Variants in AMOT observed in about 807,000 individuals in gnomAD.
The protein encoded by AMOT is angiomotin.
AMOT carries 11 observed loss-of-function variants against 67.0 expected under a neutral mutation model. That is an observed-to-expected ratio of 0.16 (90% CI 0.10 to 0.27). The LOEUF (loss-of-function observed/expected upper bound fraction) is 0.27, where lower values mean the gene tolerates loss of function less well. Ranked by LOEUF, AMOT falls within the 10% of genes least tolerant of loss-of-function variation. The pLI, the probability that AMOT is intolerant of heterozygous loss-of-function variation, is 1.00. For missense variants in AMOT, 753 were observed against 852.0 expected (o/e 0.88, Z 1.45); for synonymous variants, 326 against 321.4 (o/e 1.01, Z -0.15).
chrX:112,785,930 A>G lies in AMOT; in HGVS notation c.2118-3268T>C, dbSNP rs139509607. 9.5e-3 allele frequency among the ~76,000 whole-genome samples: 1,068 copies of G among 112,411 alleles called. 14 individuals carry two copies. The highest frequency in any genetic ancestry group is 0.033 in the African/African-American group (1,020 of 30,961). Reference sequence around the variant, plus strand: ...ATGAAATACTGTTTGCTGTAAAAGGAAACTGAGGAAAGGCTCTTTTGGAAA... The same window carrying G: ...ATGAAATACTGTTTGCTGTAAAAGGGAACTGAGGAAAGGCTCTTTTGGAAA... On this transcript the variant is annotated intron_variant, in intron 10 of 13. Coordinates refer to ENST00000371959, the MANE Select transcript of AMOT (RefSeq NM_001113490.2).
chrX:112,793,610 G>A (rs1415294810), intron 8 of AMOT, among the ~76,000 whole-genome samples: 2 of 112,187 alleles, frequency 1.8e-5, no homozygotes, highest in Non-Finnish European at 3.8e-5. Flanking sequence ...TTTCCTACCA[G>A]ACCTGTAGTA....
chrX:112,817,708 A>G (rs1219443534), intron 4 of AMOT, among the ~76,000 whole-genome samples: 2 of 112,195 alleles, frequency 1.8e-5, no homozygotes, highest in Non-Finnish European at 3.8e-5. Context: ...GTCATTATAA[A>G]TAATTGCTGA....
intron 7 of AMOT, among the ~76,000 whole-genome samples, chrX:112,809,475 G>A (rs1240604829): frequency 9.0e-6 from 1 of 111,062 alleles, no homozygotes; most frequent in Non-Finnish European, 1.9e-5. Flanking sequence ...ATACTAGGGA[G>A]CCCCAGGTAC....
At chrX:112,796,006 C>T (rs1398313556) in intron 8 of AMOT, among the ~76,000 whole-genome samples, 4 of 106,328 alleles carry the variant, frequency 3.8e-5, no homozygotes, top group African/African-American at 1.1e-4. Flanking sequence ...CTTAGGAATG[C>T]CCTGCCCCAC....
chrX:112,805,538 T>C (rs1934153652), intron 7 of AMOT, among the ~76,000 whole-genome samples: 1 of 111,346 alleles, frequency 9.0e-6, no homozygotes, highest in Non-Finnish European at 1.9e-5. Flanking sequence ...TGACAGTACA[T>C]TAAATAGTGC....
chrX:112,779,375 G>GGGCAGCAGCAGCAGCTGGAGCAGCAGC lies in AMOT; in HGVS notation c.2752_2778dup (p.Ala918_Ala926dup), dbSNP rs1556171864. On this transcript the variant is annotated inframe_insertion, in exon 13 of 14. Transcript: ENST00000371959. ...GTAGCAGCGGCAGTGGCTGGAGACG[G>GGGCAGCAGCAGCAGCTGGAGCAGCAGC]GGCAGCAGCAGCAGCTGGAGCAGCA... 33 of 1,005,925 alleles carry GGGCAGCAGCAGCAGCTGGAGCAGCAGC rather than the reference G, an allele frequency of 3.3e-5. No individual in the cohort carries two copies. The highest frequency in any genetic ancestry group is 3.1e-4 in the Middle Eastern group (1 of 3,220). The allele number at this position is 1,005,925 out of a possible 1,213,427, so 82.9% of individuals were successfully genotyped here. A position where few individuals can be genotyped will look rare whatever the true frequency, so the allele number is the denominator to read the frequency against.
At chrX:112,796,880 C>T (rs985510419) in intron 8 of AMOT, among the ~76,000 whole-genome samples, 12 of 111,498 alleles carry the variant, frequency 1.1e-4, no homozygotes, top group African/African-American at 3.3e-4. Flanking sequence ...TGACTAAAAG[C>T]CAGGGGTGCT....
At chrX:112,804,378 C>T (rs1331207508) in intron 8 of AMOT, among the ~76,000 whole-genome samples, 2 of 111,190 alleles carry the variant, frequency 1.8e-5, no homozygotes, top group South Asian at 3.9e-4. Flanking sequence ...AACCAATCTG[C>T]CAAGTAAGTC....
At chrX:112,793,869 G>A (rs775420778) in intron 8 of AMOT, among the ~76,000 whole-genome samples, 69 of 112,058 alleles carry the variant, frequency 6.2e-4, no homozygotes, top group South Asian at 5.9e-3. Context: ...TAACAACACT[G>A]ACTAGGGCAA....
intron 7 of AMOT, among the ~76,000 whole-genome samples, chrX:112,808,481 T>G (rs181953478): frequency 8.9e-6 from 1 of 111,795 alleles, no homozygotes; most frequent in Non-Finnish European, 1.9e-5. Flanking sequence ...CCTGTCAGTG[T>G]CCCAAGACGA....
chrX:112,805,065 T>C lies in AMOT; in HGVS notation c.1658A>G (p.Lys553Arg). The C allele has an allele frequency of 8.3e-7, 1 of 1,211,769 alleles. No homozygotes were observed. Among genetic ancestry groups the C allele is most frequent in the Non-Finnish European group, 1.1e-6 (1 of 895,515 alleles). Residue 553 changes from lysine to arginine, a missense_variant, in exon 8 of 14, where the codon AAG becomes AGG. Around this residue, in one of 5 missense-constraint regions of AMOT, gnomAD observed 297 missense variants for 284.3 expected, o/e 1.04. Coordinates refer to ENST00000371959, the MANE Select transcript of AMOT (RefSeq NM_001113490.2). ...GGCAGTGGCCAGCTCCGCTTCCAGC[T>C]TCTCCTTCTCACGCTGGCTTTCTTT... ...KNKESQREKE[K>R]LEAELATARS...
Position 112,819,372 on chromosome X carries a change from T to G in AMOT, c.872+2883A>C, listed in dbSNP as rs1028961996. ...CTCTGCAATGGTGAATCGGTGAATC[T>G]GTGAATCCTGGAGCAGGCTGCAAAT... On this transcript the variant is annotated intron_variant, in intron 4 of 13. Coordinates refer to ENST00000371959, the MANE Select transcript of AMOT (RefSeq NM_001113490.2). The G allele has an allele frequency of 4.2e-5, 32 of 752,976 alleles. No homozygotes were observed. In the African/African-American group the frequency reaches 6.7e-4, roughly 16 times the overall value. 62.1% of individuals were successfully genotyped at this position (752,976 alleles called of 1,213,427 possible). A position where few individuals can be genotyped will look rare whatever the true frequency, so the allele number is the denominator to read the frequency against.
At chrX:112,804,911 A>ACCCC in intron 8 of AMOT, 36 bp downstream of exon 8, 1 of 490,733 alleles carries the variant, frequency 2.0e-6, no homozygotes, top group Non-Finnish European at 3.4e-6. Flanking sequence ...CAGCCCTCCC[A>ACCCC]CCCCCAGGCT....
chrX:112,827,633 T>C (rs1040961329), intron 2 of AMOT, among the ~76,000 whole-genome samples: 1 of 112,004 alleles, frequency 8.9e-6, no homozygotes, highest in Non-Finnish European at 1.9e-5. Flanking sequence ...TCAACTCTTC[T>C]GTAACAACAA....
Position 112,815,540 on chromosome X carries a change from CTGGCTGCTGCTG to C in AMOT, c.1198_1209del (p.Gln400_Pro403del), listed in dbSNP as rs749940113. Reference sequence around the variant, plus strand: ...CGAGGCATAGCTGAATAGGCTTCTCCTGGCTGCTGCTGTGGCTGCTGCTGCTGCTGTTGTTGG... The same window carrying C: ...CGAGGCATAGCTGAATAGGCTTCTCCTGGCTGCTGCTGCTGCTGTTGTTGG... On this transcript the variant is annotated inframe_deletion, in exon 5 of 14. Transcript: ENST00000371959. The C allele has an allele frequency of 1.4e-5, 17 of 1,211,520 alleles. No individual in the cohort carries two copies. The highest frequency in any genetic ancestry group is 1.3e-5 in the Non-Finnish European group (12 of 895,475).
Position 112,779,209 on chromosome X carries a change from G to A in AMOT, c.2945C>T (p.Pro982Leu), listed in dbSNP as rs142130870. Reference protein sequence around the residue: ...APAAPAPVPAPALVPVPAPAA... With the variant: ...APAAPAPVPALALVPVPAPAA... ...TGGAGCTGGAACCGGAACCAGAGCC[G>A]GAGCTGGAACTGGAGCCGGAGCAGC... The change falls in exon 13 of 14, where the codon CCG (proline) becomes CTG (leucine). Residue 982 changes from proline to leucine, a missense_variant. Coordinates refer to ENST00000371959, the MANE Select transcript of AMOT (RefSeq NM_001113490.2). 1.2e-4 allele frequency: 90 copies of A among 737,976 alleles called. No individual in the cohort carries two copies. Among genetic ancestry groups the A allele is most frequent in the Middle Eastern group, 3.0e-4 (1 of 3,284 alleles). 60.8% of individuals were successfully genotyped at this position (737,976 alleles called of 1,213,427 possible).
Position 112,779,438 on chromosome X carries a change from T to G in AMOT, c.2716A>C (p.Thr906Pro). The G allele has an allele frequency of 8.5e-7, 1 of 1,176,003 alleles. No individual in the cohort carries two copies. Among genetic ancestry groups the G allele is most frequent in the Non-Finnish European group, 1.1e-6 (1 of 871,320 alleles). The change falls in exon 13 of 14, where the codon ACC (threonine) becomes CCC (proline). Residue 906 changes from threonine (T) to proline (P), a missense_variant. Around this residue, in one of 5 missense-constraint regions of AMOT, gnomAD observed 269 missense variants for 300.9 expected, o/e 0.89. Transcript: ENST00000371959. ...GCAACTGGAGCAGCAGCTACCATGG[T>G]GGTGGTGATGGTGGCAGCAGTGGCA... ...ITATAATITT[T>P]MVAAAPVAVA...
chrX:112,792,611 G>A (rs111627849), intron 8 of AMOT, among the ~76,000 whole-genome samples: 5,482 of 111,417 alleles, frequency 0.049, 105 homozygotes, highest in Middle Eastern at 0.08. Context: ...AAGTAAAGGC[G>A]TCACGTGATG....
rs1453459963 is a variant in AMOT at position 112,779,179 on chromosome X, G to A, written c.2975C>T (p.Ala992Val). 9.7e-6 allele frequency: 8 copies of A among 823,444 alleles called. No homozygotes were observed. The highest frequency in any genetic ancestry group is 4.1e-5 in the South Asian group (2 of 49,091). The allele number at this position is 823,444 out of a possible 1,213,427, so 67.9% of individuals were successfully genotyped here. A position where few individuals can be genotyped will look rare whatever the true frequency, so the allele number is the denominator to read the frequency against. ...CTGAGCAGGAGCAGAAGCCTGAGCC[G>A]CTGCTGGAGCTGGAACCGGAACCAG... ...PALVPVPAPA[A>V]AQASAPAQTQ... The change falls in exon 13 of 14, where the codon GCG becomes GTG. Residue 992 changes from alanine (A) to valine (V), a missense_variant. Around this residue, in one of 5 missense-constraint regions of AMOT, gnomAD observed 269 missense variants for 300.9 expected, o/e 0.89. Coordinates refer to ENST00000371959, the MANE Select transcript of AMOT (RefSeq NM_001113490.2).
Sources: gnomAD v4.1 joint callset for allele counts (sites outside exome capture counted in the v4.1 genomes callset) on GRCh38, gnomAD v4.1.1 for gene constraint, gnomAD v4.1.1 regional missense constraint, MANE v1.5 for transcripts, NCBI Gene and HGNC (gene_info 2026-07-23, HGNC 2026-07-21) for gene names.